The following TJP2 variants were observed in gnomAD, a reference collection of about 807,000 sequenced individuals.
TJP2 encodes the protein Friedreich ataxia region gene X104 (tight junction protein ZO-2).
A neutral mutation model predicts 133.1 loss-of-function variants in TJP2; 91 were observed. That is an observed-to-expected ratio of 0.68 (90% confidence interval 0.58 to 0.81). The LOEUF is 0.81. TJP2 is among the 40% of genes least tolerant of loss of function. The pLI, the probability that TJP2 is intolerant of heterozygous loss-of-function variation, is 0.00. For synonymous variants in TJP2, 592 were observed against 583.4 expected (o/e 1.01, Z -0.21); for missense variants, 1,541 against 1,565.6 (o/e 0.98, Z 0.26).
chr9:69,139,200 G>A (rs12001142), intron 1 of TJP2, among the ~76,000 whole-genome samples: 2,889 of 152,298 alleles, frequency 0.019, 99 homozygotes, highest in African/African-American at 0.066. Flanking sequence ...CTGGGTGATA[G>A]AGTGAGACTT....
intron 19 of TJP2, 123 bp from the exon 20 acceptor site, chr9:69,249,252 G>A (rs751642479): frequency 1.3e-6 from 2 of 1,517,790 alleles, no homozygotes; most frequent in African/African-American, 2.8e-5. Flanking sequence ...CAGTAAAGAA[G>A]CACCGGCTCA....
intron 1 of TJP2, chr9:69,204,743 G>T (rs1192079226): frequency 1.2e-6 from 1 of 841,286 alleles, no homozygotes; most frequent in Non-Finnish European, 1.4e-6. Context: ...TGGCGTGTGT[G>T]TGTGTGTATC....
chr9:69,171,110 T>C (rs895895574), upstream of TJP2, among the ~76,000 whole-genome samples: 2 of 152,230 alleles, frequency 1.3e-5, no homozygotes, highest in African/African-American at 4.8e-5. Context: ...TCCCAAGATC[T>C]GCTCCCACTC....
At chr9:69,234,587 T>TGGGGGGG in intron 12 of TJP2, 40 bp downstream of exon 12, 3 of 283,052 alleles carry the variant, frequency 1.1e-5, no homozygotes, top group South Asian at 3.1e-5. Flanking sequence ...GGGGTGGGGG[T>TGGGGGGG]GGGGAGTGGG....
chr9:69,147,058 G>A (rs989811716), intron 1 of TJP2, among the ~76,000 whole-genome samples: 3 of 152,170 alleles, frequency 2.0e-5, no homozygotes, highest in Non-Finnish European at 4.4e-5. Context: ...GTGTGTATAT[G>A]CGTGGAGAGG....
upstream of TJP2, among the ~76,000 whole-genome samples, chr9:69,170,751 C>T (rs554363972): frequency 6.6e-6 from 1 of 152,322 alleles, no homozygotes; most frequent in East Asian, 1.9e-4. Flanking sequence ...CCTCCAGAAG[C>T]GTTTTCTTTC....
chr9:69,185,970 G>A (rs563569108), intron 1 of TJP2, among the ~76,000 whole-genome samples: 5 of 150,220 alleles, frequency 3.3e-5, no homozygotes, highest in South Asian at 4.2e-4. Flanking sequence ...GGGTTTCACC[G>A]TGTTAGCCAG....
rs112520937 is a variant in TJP2, at chr9:69,183,647, A to G, written c.60+9215A>G. On this transcript the variant is annotated intron_variant, in intron 1 of 22. Coordinates refer to ENST00000377245, the MANE Select transcript of TJP2 (RefSeq NM_004817.4). ...AATAAAGCTGCCATGAAAAGCACCT[A>G]CACATTGCCTTGTGGACATGTACAC... Among the ~76,000 whole-genome samples the G allele has an allele frequency of 1.5e-3, 235 of 152,346 alleles. 2 individuals carry two copies. Among genetic ancestry groups the G allele is most frequent in the African/African-American group, 5.5e-3 (230 of 41,584 alleles).
intron 1 of TJP2, among the ~76,000 whole-genome samples, chr9:69,202,632 A>G (rs1827077264): frequency 6.6e-6 from 1 of 152,224 alleles, no homozygotes; most frequent in African/African-American, 2.4e-5. Flanking sequence ...GGGAAGAGAA[A>G]ATACATTTAT....
chr9:69,236,150 GACAC>G lies in TJP2; in HGVS notation c.1906_1909del (p.Thr636CysfsTer12). The G allele has an allele frequency of 6.2e-7, 1 of 1,614,220 alleles. No homozygotes were observed. Among genetic ancestry groups the G allele is most frequent in the Non-Finnish European group, 8.5e-7 (1 of 1,180,050 alleles). ...CAGAGGGGAGGTCTTCCGAGTGGTAGACACACTGTATGACGGCAAGCTGGGCAAC... is the reference window on the plus strand; with the variant it reads ...CAGAGGGGAGGTCTTCCGAGTGGTAGACTGTATGACGGCAAGCTGGGCAAC... On this transcript the variant is annotated frameshift_variant, in exon 13 of 23. Transcript: ENST00000377245. LOFTEE classifies it high-confidence loss of function.
chr9:69,143,071 T>C (rs1053247352), intron 1 of TJP2, among the ~76,000 whole-genome samples: 4 of 152,176 alleles, frequency 2.6e-5, no homozygotes, highest in Admixed American at 1.3e-4. Flanking sequence ...AATAAATAAA[T>C]TAGCAAGTTG....
chr9:69,247,998 A>G lies in TJP2; in HGVS notation c.2668-14A>G, dbSNP rs754060501. 1 of 1,583,370 alleles carries G rather than the reference A, an allele frequency of 6.3e-7. No individual in the cohort carries two copies. On this transcript the variant is annotated splice_polypyrimidine_tract_variant and intron_variant, in intron 18 of 22. Coordinates refer to ENST00000377245, the MANE Select transcript of TJP2 (RefSeq NM_004817.4). ...CATCAGACCCCACTGACCGTCCAAC[A>G]CAAATTCCTCTAGATGGAAGGGATG...
chr9:69,121,742 C>G (rs1184131915), intron 1 of TJP2: 1 of 152,094 alleles, frequency 6.6e-6, no homozygotes, highest in Admixed American at 6.6e-5. Flanking sequence ...ACCCTCCTCT[C>G]TCTCCCTCCC....
At chr9:69,229,662 A>C (rs1829623366) in intron 10 of TJP2, among the ~76,000 whole-genome samples, 1 of 152,180 alleles carries the variant, frequency 6.6e-6, no homozygotes, top group Non-Finnish European at 1.5e-5. Flanking sequence ...TCTGCACTTG[A>C]TAATCAGAAC....
At chr9:69,135,137 C>A (rs1822674370) in intron 1 of TJP2, among the ~76,000 whole-genome samples, 2 of 152,190 alleles carry the variant, frequency 1.3e-5, no homozygotes, top group South Asian at 4.1e-4. Flanking sequence ...AGGGCTTCAA[C>A]ATATGAATTT....
At chr9:69,154,065 C>A (rs1423964700) in intron 2 of TJP2, among the ~76,000 whole-genome samples, 1 of 152,158 alleles carries the variant, frequency 6.6e-6, no homozygotes. Flanking sequence ...TAACTAGCTC[C>A]CATTTGTAAA....
intron 2 of TJP2, among the ~76,000 whole-genome samples, chr9:69,158,258 G>A (rs1484541621): frequency 6.8e-6 from 1 of 147,032 alleles, no homozygotes; most frequent in Non-Finnish European, 1.5e-5. Flanking sequence ...AATCCAGGAG[G>A]TGGAGGTTGC....
chr9:69,219,807 C>G (rs1828671644), intron 4 of TJP2, among the ~76,000 whole-genome samples: 1 of 152,156 alleles, frequency 6.6e-6, no homozygotes, highest in African/African-American at 2.4e-5. Flanking sequence ...CTCTTTAGTT[C>G]CTTTTAATCT....
In TJP2 at chr9:69,221,122, G is replaced by C. The variant is rs991161369; in HGVS notation, c.578G>C (p.Arg193Pro). The stretch of plus-strand genomic sequence containing the variant: ...CGGAGCCGGGAGCGGGACCTCAGCC[G>C]GGACCGGAGCCGTGGCCGGAGCCTG... ...RARSRERDLSRDRSRGRSLER... is the reference protein window; with the variant it reads ...RARSRERDLSPDRSRGRSLER... Residue 193 changes from arginine (R) to proline (P), a missense_variant, in exon 5 of 23, where the codon CGG (arginine) becomes CCG (proline). Arg to Pro is a moderately radical substitution (Grantham distance 103). Coordinates refer to ENST00000377245, the MANE Select transcript of TJP2 (RefSeq NM_004817.4). 2.3e-5 allele frequency: 37 copies of C among 1,587,394 alleles called. No homozygotes were observed. The highest frequency in any genetic ancestry group is 3.0e-5 in the Non-Finnish European group (35 of 1,167,658).
Sources: allele counts gnomAD v4.1 joint callset (sites outside exome capture counted in the v4.1 genomes callset), GRCh38; gene constraint gnomAD v4.1.1; transcripts MANE v1.5; gene names NCBI Gene and HGNC (gene_info 2026-07-23, HGNC 2026-07-21).